HEATR5B: variants seen among roughly 807,000 people sequenced by gnomAD.
The protein encoded by HEATR5B is HEAT repeat containing 5B.
Under a neutral mutation model 224.1 loss-of-function variants are expected in HEATR5B, and 156 were observed. The ratio of observed to expected loss-of-function variants is 0.70; its 90% CI spans 0.61 to 0.80. HEATR5B has a LOEUF of 0.80. Ranked by LOEUF, HEATR5B falls within the 30% of genes least tolerant of loss-of-function variation. The pLI is 0.00. For missense variants in HEATR5B, 2,323 were observed against 2,535.5 expected, an observed-to-expected ratio of 0.92 and a Z score of 1.80; for synonymous variants, 1,027 against 893.0, an observed-to-expected ratio of 1.15 and a Z score of -2.68.
intron 6 of HEATR5B, among the ~76,000 whole-genome samples, chr2:37,070,947 A>C (rs1671867962): frequency 6.6e-6 from 1 of 152,214 alleles, no homozygotes; most frequent in Non-Finnish European, 1.5e-5. Context: ...GCTGCCCGGA[A>C]TTTGAATTTC....
intron 2 of HEATR5B, among the ~76,000 whole-genome samples, chr2:37,080,615 T>C (rs1672495549): frequency 6.6e-6 from 1 of 151,468 alleles, no homozygotes. Flanking sequence ...AAAGGGCAGG[T>C]TTGGGAGGAG....
chr2:37,059,442 GTGTGTA>G (rs1428424240), intron 12 of HEATR5B, among the ~76,000 whole-genome samples: 1,124 of 59,584 alleles, frequency 0.019, 35 homozygotes, highest in Non-Finnish European at 0.03. Context: ...GTGTGTGTGT[GTGTGTA>G]TATATATATA....
chr2:36,988,793 G>A lies in HEATR5B; in HGVS notation c.5764C>T (p.Pro1922Ser). 6.2e-7 allele frequency: 1 copy of A among 1,614,070 alleles called. No individual in the cohort carries two copies. Among genetic ancestry groups the A allele is most frequent in the East Asian group, 2.2e-5 (1 of 44,862 alleles). The change falls in exon 35 of 36, where the codon CCT (proline) becomes TCT (serine). Residue 1922 changes from proline (P) to serine (S), a missense_variant. Physicochemically the swap from Pro to Ser is moderately conservative, Grantham distance 74. Transcript: ENST00000233099. Reference sequence around the variant, plus strand: ...ATTGGAGCTAATGAATGAATATAAGGAGTTGAAAGGGCACGATTGGAATGC... The same window carrying A: ...ATTGGAGCTAATGAATGAATATAAGAAGTTGAAAGGGCACGATTGGAATGC... ...FQHSNRALST[P>S]YIHSLAPIVV... is the part of the protein sequence containing the mutation.
chr2:37,015,906 G>C (rs1175665449), intron 26 of HEATR5B, among the ~76,000 whole-genome samples: 1 of 151,898 alleles, frequency 6.6e-6, no homozygotes, highest in Non-Finnish European at 1.5e-5. Flanking sequence ...AAAAAATAAA[G>C]CCTTAAAGCC....
chr2:37,079,107 AG>A lies in HEATR5B; in HGVS notation c.338+12del. On this transcript the variant is annotated intron_variant, in intron 3 of 35. Transcript: ENST00000233099. ...ATAAAACTTCAAGGGCCCCTATTAAAGTAAGTACTTACAATTTTGTTGGTAA... is the reference window on the plus strand; with the variant it reads ...ATAAAACTTCAAGGGCCCCTATTAAATAAGTACTTACAATTTTGTTGGTAA... 1 of 1,512,430 alleles carries A rather than the reference AG, an allele frequency of 6.6e-7. No homozygotes were observed. The highest frequency in any genetic ancestry group is 1.2e-5 in the South Asian group (1 of 86,106). 93.7% of individuals were successfully genotyped at this position (1,512,430 alleles called of 1,614,324 possible). A position where few individuals can be genotyped will look rare whatever the true frequency, so the allele number is the denominator to read the frequency against.
At chr2:37,018,633 T>C (rs1191340748) in intron 26 of HEATR5B, among the ~76,000 whole-genome samples, 2 of 152,182 alleles carry the variant, frequency 1.3e-5, no homozygotes, top group Non-Finnish European at 1.5e-5. Context: ...AACCTATTAT[T>C]GCAGAATCTT....
At position 37,053,620 on chromosome 2, in the gene HEATR5B, G is replaced by GA. The variant is rs200413903; in HGVS notation, c.2400-14dup. The GA allele has an allele frequency of 0.011, 16,356 of 1,512,240 alleles. 93 individuals carry two copies. Among genetic ancestry groups the GA allele is most frequent in the Middle Eastern group, 0.017 (98 of 5,694 alleles). The allele number at this position is 1,512,240 out of a possible 1,614,324, so 93.7% of individuals were successfully genotyped here. A position where few individuals can be genotyped will look rare whatever the true frequency, so the allele number is the denominator to read the frequency against. ...CAACATTTGTAATCTATAACAATAA[G>GA]AAAAAAAAATCACATTAGTGACAAA... On this transcript the variant is annotated splice_polypyrimidine_tract_variant and intron_variant, in intron 16 of 35. Coordinates refer to ENST00000233099, the MANE Select transcript of HEATR5B (RefSeq NM_019024.3).
chr2:37,008,527 G>C, intron 28 of HEATR5B, 84 bp downstream of exon 28: 4 of 915,538 alleles, frequency 4.4e-6, no homozygotes, highest in Non-Finnish European at 7.3e-6. Flanking sequence ...TATAGCAACT[G>C]TTGTTGCTAG....
intron 29 of HEATR5B, among the ~76,000 whole-genome samples, chr2:37,006,056 TAAGAA>T (rs1667395571): frequency 6.6e-6 from 1 of 152,196 alleles, no homozygotes; most frequent in South Asian, 2.1e-4. Context: ...AATAATACAT[TAAGAA>T]AATAAATTTA....
At chr2:37,011,178 C>T (rs1315812049) in intron 27 of HEATR5B, among the ~76,000 whole-genome samples, 4 of 152,150 alleles carry the variant, frequency 2.6e-5, no homozygotes, top group African/African-American at 9.7e-5. Context: ...ATAAACGAAT[C>T]TTAGCCTTGG....
At chr2:36,982,406 G>C (rs980070519) in intron 35 of HEATR5B, among the ~76,000 whole-genome samples, 3 of 152,054 alleles carry the variant, frequency 2.0e-5, no homozygotes, top group African/African-American at 7.2e-5. Flanking sequence ...CCTTTTGTTA[G>C]TCTTTTGTCT....
intron 34 of HEATR5B, among the ~76,000 whole-genome samples, chr2:36,990,114 C>A (rs528707479): frequency 1.3e-5 from 2 of 151,964 alleles, no homozygotes; most frequent in South Asian, 4.2e-4. Context: ...ACAGGCTGGT[C>A]TCGAACTCCT....
chr2:36,988,608 CATT>C, intron 35 of HEATR5B, 35 bp downstream of exon 35: 1 of 1,509,928 alleles, frequency 6.6e-7, no homozygotes, highest in Non-Finnish European at 9.2e-7. Context: ...TACAGATCTT[CATT>C]CTGAACTAGT....
Position 37,053,543 on chromosome 2 carries a change from C to G in HEATR5B, c.2464G>C (p.Val822Leu). Residue 822 changes from valine (V) to leucine (L), a missense_variant, in exon 17 of 36, where the codon GTG (valine) becomes CTG (leucine). Transcript: ENST00000233099. ...ACAGCAGTAAATATGTTAAGCTGCA[C>G]AGCCTGCTGGCGGACACCTTTAGCT... is the stretch of plus-strand genomic sequence containing the variant. ...KQAKGVRQQA[V>L]QLNIFTAVLS... The G allele has an allele frequency of 6.2e-7, 1 of 1,610,336 alleles. No homozygotes were observed. Among genetic ancestry groups the G allele is most frequent in the Non-Finnish European group, 8.5e-7 (1 of 1,177,192 alleles).
At chr2:36,984,826 G>A (rs548578834) in intron 35 of HEATR5B, among the ~76,000 whole-genome samples, 1 of 152,170 alleles carries the variant, frequency 6.6e-6, no homozygotes, top group African/African-American at 2.4e-5. Context: ...AAATTTGATG[G>A]GGAATATCAG....
intron 9 of HEATR5B, 84 bp from the exon 10 acceptor site, chr2:37,065,074 T>C: frequency 7.3e-7 from 1 of 1,370,342 alleles, no homozygotes; most frequent in East Asian, 2.5e-5. Flanking sequence ...AAACAATAAC[T>C]GAAATGACAA....
At position 37,002,540 on chromosome 2, in the gene HEATR5B, C is replaced by G. The variant is rs1309258357; in HGVS notation, c.5083G>C (p.Val1695Leu). Residue 1695 changes from valine (V) to leucine (L), a missense_variant, in exon 32 of 36, where the codon GTA becomes CTA. This residue lies in a region of HEATR5B where 844 missense variants were observed against 812.9 expected (regional missense o/e 1.04). Transcript: ENST00000233099. ...CCGCTGTCACCTCCTTCTCCCAATA[C>G]GGTACAGGCCTCTTTTTCCATATCA... The part of the protein sequence containing the change: ...EDDMEKEACT[V>L]LGEGGDSGGL... 7 of 1,614,090 alleles carry G rather than the reference C, an allele frequency of 4.3e-6. No individual in the cohort carries two copies. The East Asian group carries it at 8.9e-5, about 21-fold the overall frequency.
chr2:36,984,215 A>AAAAAAAAAAAAAT lies in HEATR5B; in HGVS notation c.5912-2422_5912-2421insATTTTTTTTTTTT. 3.2e-4 allele frequency among the ~76,000 whole-genome samples: 25 copies of AAAAAAAAAAAAAT among 77,634 alleles called. 1 individual carries two copies. The highest frequency in any genetic ancestry group is 1.3e-3 in the African/African-American group (22 of 17,044). 50.9% of individuals were successfully genotyped at this position (77,634 alleles called of 152,430 possible). ...AACTCTGTCTCAAAAAAAAAAAAAA[A>AAAAAAAAAAAAAT]ATATATATATATATATATATATAAA... is the stretch of plus-strand genomic sequence containing the variant. On this transcript the variant is annotated intron_variant, in intron 35 of 35. Transcript: ENST00000233099.
At chr2:37,051,474 CTTTA>C (rs752345150) in intron 17 of HEATR5B, among the ~76,000 whole-genome samples, 20 of 150,856 alleles carry the variant, frequency 1.3e-4, no homozygotes, top group South Asian at 1.1e-3. Context: ...CATCCTGGAA[CTTTA>C]TTTATTTATT....
Sources: allele counts gnomAD v4.1 joint callset (sites outside exome capture counted in the v4.1 genomes callset), GRCh38; gene constraint gnomAD v4.1.1; regional missense constraint gnomAD v4.1.1; transcripts MANE v1.5; gene names NCBI Gene and HGNC (gene_info 2026-07-23, HGNC 2026-07-21).